Variants in ADD3 observed in about 807,000 individuals in gnomAD.
ADD3 encodes gamma-adducin.
ADD3 carries 25 observed loss-of-function variants against 80.2 expected under a neutral mutation model. That is an observed-to-expected ratio of 0.31 (90% CI 0.23 to 0.44). The LOEUF is 0.44. ADD3 is among the 20% of genes least tolerant of loss of function. ADD3 has a pLI of 1.00. For missense variants in ADD3, 829 were observed against 847.5 expected, an observed-to-expected ratio of 0.98 and a Z score of 0.27; for synonymous variants, 284 against 289.6, an observed-to-expected ratio of 0.98 and a Z score of 0.20.
rs1393002048 is a variant in ADD3 at position 110,122,271 on chromosome 10, T to C, written c.1122T>C (p.Leu374=). ...TTGGCGAAATTGAGTTTGAAGGGCT[T>C]ATGAGGACTCTGGACAACTTGGTAG... ...WKVGEIEFEG[L]MRTLDNLGYR... The change falls in exon 9 of 15, where the codon CTT becomes CTC. Residue 374 remains leucine (L), a synonymous_variant. Transcript: ENST00000356080. 5 of 1,614,014 alleles carry C rather than the reference T, an allele frequency of 3.1e-6. No individual in the cohort carries two copies. The highest frequency in any genetic ancestry group is 1.7e-5 in the Admixed American group (1 of 60,010).
chr10:110,030,311 G>A (rs1399286211), intron 1 of ADD3, among the ~76,000 whole-genome samples: 3 of 142,436 alleles, frequency 2.1e-5, no homozygotes, highest in East Asian at 3.9e-4. Context: ...CAATAAGAGC[G>A]AAACTCCATC....
At position 110,130,366 on chromosome 10, in the gene ADD3, A is replaced by T. The variant is rs370667425; in HGVS notation, c.1612A>T (p.Met538Leu). ...ATTTTTATTTTTTCTTTGTAAGACT[A>T]TGCAATTTGAAGATGATGATCATGG... The part of the protein sequence containing the change: ...GIVVDKPPST[M>L]QFEDDDHGPP... Residue 538 changes from methionine (M) to leucine (L), a missense_variant, in exon 13 of 15, where the codon ATG becomes TTG. Coordinates refer to ENST00000356080, the MANE Select transcript of ADD3 (RefSeq NM_016824.5). 1.2e-6 allele frequency: 2 copies of T among 1,613,640 alleles called. No homozygotes were observed. The highest frequency in any genetic ancestry group is 1.3e-5 in the African/African-American group (1 of 74,918).
chr10:110,032,227 A>G (rs753980309), intron 1 of ADD3, among the ~76,000 whole-genome samples: 6 of 152,250 alleles, frequency 3.9e-5, no homozygotes, highest in Non-Finnish European at 7.3e-5. Context: ...ATCCTAGGTC[A>G]TCTCTTAATG....
At position 110,108,553 on chromosome 10, in the gene ADD3, T is replaced by C. The variant is rs545946829; in HGVS notation, c.196-4224T>C. 1.4e-3 allele frequency among the ~76,000 whole-genome samples: 214 copies of C among 152,252 alleles called. 2 individuals are homozygous for C. Among genetic ancestry groups the C allele is most frequent in the African/African-American group, 5.0e-3 (208 of 41,566 alleles). ...GAACTTTAGTAAAAATATGATTAACTACCCATCTCAAAGATAAATAAAATT... is the reference window on the plus strand; with the variant it reads ...GAACTTTAGTAAAAATATGATTAACCACCCATCTCAAAGATAAATAAAATT... On this transcript the variant is annotated intron_variant, in intron 2 of 14. Transcript: ENST00000356080.
At chr10:110,012,927 T>C (rs1244208668) in intron 1 of ADD3, among the ~76,000 whole-genome samples, 1 of 152,140 alleles carries the variant, frequency 6.6e-6, no homozygotes, top group Non-Finnish European at 1.5e-5. Context: ...TAGATCTAAA[T>C]TGAGCCTTTA....
intron 2 of ADD3, among the ~76,000 whole-genome samples, chr10:110,110,102 T>G (rs574233191): frequency 3.3e-5 from 5 of 152,240 alleles, no homozygotes; most frequent in Non-Finnish European, 7.3e-5. Context: ...TGGTGCAAAC[T>G]GCTCCATGAA....
intron 1 of ADD3, among the ~76,000 whole-genome samples, chr10:110,051,796 G>A (rs745317887): frequency 9.2e-5 from 14 of 152,088 alleles, no homozygotes; most frequent in Non-Finnish European, 1.6e-4. Context: ...TTTACGGTTG[G>A]CTTTTTATTT....
At chr10:110,029,828 A>G (rs1054456432) in intron 1 of ADD3, among the ~76,000 whole-genome samples, 3 of 152,238 alleles carry the variant, frequency 2.0e-5, no homozygotes, top group South Asian at 4.1e-4. Context: ...TAAAGGTATG[A>G]TTGTCCAAAT....
chr10:110,070,431 C>T (rs1188178653), intron 1 of ADD3, among the ~76,000 whole-genome samples: 1 of 151,550 alleles, frequency 6.6e-6, no homozygotes, highest in Non-Finnish European at 1.5e-5. Flanking sequence ...GATTTACCAA[C>T]TCAGAATTTA....
Position 110,126,499 on chromosome 10 carries a change from C to A in ADD3, c.1604C>A (p.Pro535His). The A allele has an allele frequency of 6.2e-7, 1 of 1,609,866 alleles. No homozygotes were observed. Among genetic ancestry groups the A allele is most frequent in the Non-Finnish European group, 8.5e-7 (1 of 1,176,786 alleles). Residue 535 changes from proline (P) to histidine (H), a missense_variant, in exon 12 of 15, where the codon CCT (proline) becomes CAT (histidine). By Grantham distance (77) the Pro-to-His change is moderately conservative. Coordinates refer to ENST00000356080, the MANE Select transcript of ADD3 (RefSeq NM_016824.5). ...GCTGGAATTGTTGTGGATAAGCCAC[C>A]TTCTGTAAGTTTATGAAGTAGTATG... is the stretch of plus-strand genomic sequence containing the variant. ...LLAGIVVDKPPSTMQFEDDDH... is the reference protein window; with the variant it reads ...LLAGIVVDKPHSTMQFEDDDH...
chr10:110,020,066 T>C (rs1853493090), intron 1 of ADD3, among the ~76,000 whole-genome samples: 1 of 152,246 alleles, frequency 6.6e-6, no homozygotes, highest in Admixed American at 6.5e-5. Context: ...CCATAAATGC[T>C]TTCCACTCTC....
intron 1 of ADD3, among the ~76,000 whole-genome samples, chr10:110,090,092 A>G (rs1226202120): frequency 1.3e-5 from 2 of 152,084 alleles, no homozygotes; most frequent in Non-Finnish European, 2.9e-5. Context: ...ACGTAGATCA[A>G]TAAAATATCC....
chr10:110,066,523 G>A (rs1453130338), intron 1 of ADD3, among the ~76,000 whole-genome samples: 9 of 152,116 alleles, frequency 5.9e-5, no homozygotes, highest in African/African-American at 4.8e-5. Flanking sequence ...GTGAGCCACC[G>A]TGCCTGGCCC....
chr10:110,043,217 T>G (rs1333713556), intron 1 of ADD3, among the ~76,000 whole-genome samples: 2 of 152,254 alleles, frequency 1.3e-5, no homozygotes, highest in Non-Finnish European at 2.9e-5. Flanking sequence ...CAGGTGGACT[T>G]CTCTTCCAAA....
upstream of ADD3, among the ~76,000 whole-genome samples, chr10:110,005,626 T>C (rs1210236669): frequency 2.0e-5 from 3 of 152,242 alleles, no homozygotes; most frequent in South Asian, 2.1e-4. Flanking sequence ...CACAAATTAC[T>C]AATCAGTTTC....
intron 3 of ADD3, among the ~76,000 whole-genome samples, chr10:110,115,957 C>T (rs1850681875): frequency 6.6e-6 from 1 of 152,156 alleles, no homozygotes; most frequent in African/African-American, 2.4e-5. Context: ...AACACTTTTA[C>T]CCTCGGAGAT....
Position 110,011,818 on chromosome 10 carries a change from T to C in ADD3, c.-30+3519T>C, listed in dbSNP as rs577221691. On this transcript the variant is annotated intron_variant, in intron 1 of 14. Coordinates refer to ENST00000356080, the MANE Select transcript of ADD3 (RefSeq NM_016824.5). ...TTTGTTAATACTCTATGGTTTGAAC[T>C]CCGGGTCCATGCCAGAGTGTTTATA... Among the ~76,000 whole-genome samples, 7 of 152,354 alleles carry C rather than the reference T, an allele frequency of 4.6e-5. No individual in the cohort carries two copies. In the South Asian group the frequency reaches 1.4e-3, roughly 32 times the overall value.
chr10:110,087,826 T>C (rs879559674), intron 1 of ADD3, among the ~76,000 whole-genome samples: 2 of 152,210 alleles, frequency 1.3e-5, no homozygotes, highest in African/African-American at 2.4e-5. Flanking sequence ...TATAACAAAG[T>C]ACTGCAATCC....
At chr10:110,075,307 T>G (rs948157723) in intron 1 of ADD3, among the ~76,000 whole-genome samples, 1 of 152,162 alleles carries the variant, frequency 6.6e-6, no homozygotes, top group Non-Finnish European at 1.5e-5. Flanking sequence ...TGTATTTTGC[T>G]CTCTCTGTGA....
Sources: gnomAD v4.1 joint callset for allele counts (sites outside exome capture counted in the v4.1 genomes callset) on GRCh38, gnomAD v4.1.1 for gene constraint, MANE v1.5 for transcripts, NCBI Gene and HGNC (gene_info 2026-07-23, HGNC 2026-07-21) for gene names.